The following TENT2 variants were observed in gnomAD, a reference collection of about 807,000 sequenced individuals.
TENT2 encodes the protein terminal nucleotidyltransferase 2.
In TENT2, 44 loss-of-function variants were observed where a neutral mutation model predicts 72.2. The ratio of observed to expected loss-of-function variants is 0.61; its 90% confidence interval spans 0.48 to 0.78. The LOEUF (loss-of-function observed/expected upper bound fraction) is 0.78, where lower values mean the gene tolerates loss of function less well. Ranked by LOEUF, TENT2 falls within the 30% of genes least tolerant of loss-of-function variation. The pLI is 0.00. For missense variants in TENT2, 541 were observed against 569.6 expected, an observed-to-expected ratio of 0.95 and a Z score of 0.51; for synonymous variants, 212 against 192.5, an observed-to-expected ratio of 1.10 and a Z score of -0.84.
Position 79,623,439 on chromosome 5 carries a change from A to C in TENT2, c.415A>C (p.Ile139Leu). The C allele has an allele frequency of 6.2e-7, 1 of 1,611,746 alleles. No individual in the cohort carries two copies. The highest frequency in any genetic ancestry group is 8.5e-7 in the Non-Finnish European group (1 of 1,178,880). The change falls in exon 4 of 15, where the codon ATT becomes CTT. Residue 139 changes from isoleucine (I) to leucine (L), a missense_variant. Transcript: ENST00000453514. The stretch of plus-strand genomic sequence containing the variant: ...CAGATGTGTTCCACCTTTTCGAGAA[A>C]TTGCATTTTTAGAACCTAGAGAAAT... ...IVRCVPPFREIAFLEPREITL... is the reference protein window; with the variant it reads ...IVRCVPPFRELAFLEPREITL...
chr5:79,635,230 A>G (rs1015321513), intron 4 of TENT2, among the ~76,000 whole-genome samples: 1 of 152,156 alleles, frequency 6.6e-6, no homozygotes, highest in South Asian at 2.1e-4. Context: ...TTCAACATAT[A>G]TGTGCATTTC....
chr5:79,626,613 CT>C (rs1405514350), intron 4 of TENT2, among the ~76,000 whole-genome samples: 1 of 143,386 alleles, frequency 7.0e-6, no homozygotes, highest in African/African-American at 2.7e-5. Flanking sequence ...GGCCACCTGG[CT>C]AATGTTTTTA....
At chr5:79,621,773 C>CA (rs1181361315) in intron 3 of TENT2, among the ~76,000 whole-genome samples, 4 of 103,778 alleles carry the variant, frequency 3.9e-5, no homozygotes, top group African/African-American at 5.5e-5. Context: ...AAAAAAAAAA[C>CA]AAAAAAAACA....
chr5:79,620,926 A>T (rs748708882), intron 3 of TENT2, among the ~76,000 whole-genome samples: 141 of 148,800 alleles, frequency 9.5e-4, no homozygotes, highest in Non-Finnish European at 1.3e-3. Context: ...TCAGGAGTCA[A>T]TTAATTTTAA....
chr5:79,654,533 G>GC (rs1796532622), intron 10 of TENT2, among the ~76,000 whole-genome samples: 1 of 152,092 alleles, frequency 6.6e-6, no homozygotes, highest in East Asian at 1.9e-4. Flanking sequence ...GGCATACAGA[G>GC]CTTTCTGGTA....
Position 79,639,513 on chromosome 5 carries a change from T to G in TENT2, c.466-1338T>G, listed in dbSNP as rs528456384. On this transcript the variant is annotated intron_variant, in intron 4 of 14. Coordinates refer to ENST00000453514, the MANE Select transcript of TENT2 (RefSeq NM_001114394.3). ...TTATATTGACCTAAGATTAGGGTTTTGTAGGACAAGTATTAGAACATGACA... is the reference window on the plus strand; with the variant it reads ...TTATATTGACCTAAGATTAGGGTTTGGTAGGACAAGTATTAGAACATGACA... 1.2e-4 allele frequency among the ~76,000 whole-genome samples: 19 copies of G among 152,164 alleles called. No individual in the cohort carries two copies. The East Asian group carries it at 3.5e-3, about 28-fold the overall frequency.
At chr5:79,656,861 C>T in intron 10 of TENT2, 97 bp from the exon 11 acceptor site, 2 of 763,116 alleles carry the variant, frequency 2.6e-6, no homozygotes, top group South Asian at 3.8e-5. Context: ...TTAGCATAAA[C>T]CCTTATGGTC....
At chr5:79,643,005 G>C in intron 7 of TENT2, 95 bp downstream of exon 7, 1 of 1,452,528 alleles carries the variant, frequency 6.9e-7, no homozygotes, top group Middle Eastern at 1.8e-4. Flanking sequence ...GTTTATTCTG[G>C]TCAGGATCAG....
At position 79,612,493 on chromosome 5, in the gene TENT2, C is replaced by G. The variant is rs929880704; in HGVS notation, c.-620C>G. On this transcript the variant is annotated 5_prime_UTR_variant, in exon 1 of 15. Coordinates refer to ENST00000453514, the MANE Select transcript of TENT2 (RefSeq NM_001114394.3). ...GTCTTTGACAGGGTTTTCTACGCCG[C>G]TTTTTCGGCGACTTTTTGCTCTTCC... is the stretch of plus-strand genomic sequence containing the variant. 1 of 152,906 alleles carries G rather than the reference C, an allele frequency of 6.5e-6. No homozygotes were observed. The highest frequency in any genetic ancestry group is 2.4e-5 in the African/African-American group (1 of 41,412). 9.5% of individuals were successfully genotyped at this position (152,906 alleles called of 1,614,324 possible). A position where few individuals can be genotyped will look rare whatever the true frequency, so the allele number is the denominator to read the frequency against.
chr5:79,649,144 T>G lies in TENT2; in HGVS notation c.981T>G (p.Thr327=). Residue 327 remains threonine, a synonymous_variant, in exon 10 of 15, where the codon ACT becomes ACG. Transcript: ENST00000453514. ...HHQINDASRG[T]LSSYSLVLMV... The stretch of plus-strand genomic sequence containing the variant: ...AGATAAATGATGCCAGTCGTGGTAC[T>G]TTAAGCAGCTATAGTCTTGTATTGA... 1.2e-6 allele frequency: 2 copies of G among 1,613,574 alleles called. No homozygotes were observed. Among genetic ancestry groups the G allele is most frequent in the Non-Finnish European group, 1.7e-6 (2 of 1,179,694 alleles).
intron 11 of TENT2, among the ~76,000 whole-genome samples, chr5:79,659,967 TGTTAC>T (rs1801481018): frequency 6.6e-6 from 1 of 152,078 alleles, no homozygotes; most frequent in African/African-American, 2.4e-5. Context: ...AAAACAACTT[TGTTAC>T]TTTACAAAGG....
chr5:79,684,522 C>G (rs899155959), intron 14 of TENT2, among the ~76,000 whole-genome samples: 1 of 152,184 alleles, frequency 6.6e-6, no homozygotes, highest in Non-Finnish European at 1.5e-5. Flanking sequence ...TCCCAGAATT[C>G]TGGAATTATA....
chr5:79,616,075 C>T (rs188393380), intron 1 of TENT2, among the ~76,000 whole-genome samples: 15 of 151,410 alleles, frequency 9.9e-5, no homozygotes, highest in Admixed American at 4.6e-4. Flanking sequence ...TTAGTAGAGA[C>T]GGGATTTTGC....
In TENT2 at chr5:79,623,054, AT is replaced by A. The variant is rs58029058; in HGVS notation, c.228-190del. Among the ~76,000 whole-genome samples the A allele has an allele frequency of 8.8e-3, 1,328 of 151,744 alleles. 17 individuals carry two copies. The highest frequency in any genetic ancestry group is 0.031 in the African/African-American group (1,290 of 41,348). The stretch of plus-strand genomic sequence containing the variant: ...AGTTTTTTCTGTCTCCATTATTACT[AT>A]TTTTTTTAAGGTGTTGAGAGGCATT... On this transcript the variant is annotated intron_variant, in intron 3 of 14. Transcript: ENST00000453514.
In TENT2 at chr5:79,642,872, T is replaced by C. The variant is rs1266283510; in HGVS notation, c.713T>C (p.Ile238Thr). The C allele has an allele frequency of 1.2e-6, 2 of 1,612,070 alleles. No individual in the cohort carries two copies. The highest frequency in any genetic ancestry group is 1.7e-6 in the Non-Finnish European group (2 of 1,179,186). The change falls in exon 7 of 15, where the codon ATA becomes ACA. Residue 238 changes from isoleucine to threonine, a missense_variant. Ile to Thr is a moderately conservative substitution (Grantham distance 89, BLOSUM62 -1). Transcript: ENST00000453514. ...AATCAGAAGACTGAAGCACGGCATA[T>C]ACTCACCTTAGTCCATAAACACTTC... ...QVNQKTEARHILTLVHKHFCT... is the reference protein window; with the variant it reads ...QVNQKTEARHTLTLVHKHFCT...
intron 11 of TENT2, among the ~76,000 whole-genome samples, chr5:79,667,133 TTTAAA>T (rs1244089180): frequency 6.6e-6 from 1 of 152,210 alleles, no homozygotes; most frequent in Non-Finnish European, 1.5e-5. Context: ...GACCTTTTTC[TTTAAA>T]TTACTGAACA....
At chr5:79,627,977 C>T (rs575878992) in intron 4 of TENT2, among the ~76,000 whole-genome samples, 1 of 152,124 alleles carries the variant, frequency 6.6e-6, no homozygotes, top group Non-Finnish European at 1.5e-5. Flanking sequence ...GGATATTATC[C>T]TAATGTTATT....
intron 12 of TENT2, among the ~76,000 whole-genome samples, chr5:79,678,473 A>G (rs1580673627): frequency 6.6e-6 from 1 of 152,120 alleles, no homozygotes; most frequent in South Asian, 2.1e-4. Flanking sequence ...TTTCTCTCAT[A>G]TACAAGCTGG....
chr5:79,641,954 A>G (rs1007578487), intron 6 of TENT2, among the ~76,000 whole-genome samples: 2 of 151,938 alleles, frequency 1.3e-5, no homozygotes, highest in African/African-American at 4.8e-5. Flanking sequence ...TGGATTAGGG[A>G]TGCTCAACCT....
Sources: gnomAD v4.1 joint callset for allele counts (sites outside exome capture counted in the v4.1 genomes callset) on GRCh38, gnomAD v4.1.1 for gene constraint, MANE v1.5 for transcripts, NCBI Gene and HGNC (gene_info 2026-07-23, HGNC 2026-07-21) for gene names.